GLI3: variants seen among roughly 807,000 people sequenced by gnomAD.
GLI3 encodes GLI family zinc finger 3, also known as transcription activator GLI3.
Under a neutral mutation model 100.8 loss-of-function variants are expected in GLI3, and 20 were observed. The ratio of observed to expected loss-of-function variants is 0.20; its 90% CI spans 0.14 to 0.29. GLI3 has a LOEUF of 0.29. GLI3 is among the 10% of genes least tolerant of loss of function. GLI3 has a pLI of 1.00. For synonymous variants in GLI3, 938 were observed against 860.5 expected, an observed-to-expected ratio of 1.09 and a Z score of -1.58; for missense variants, 2,040 against 2,128.5, an observed-to-expected ratio of 0.96 and a Z score of 0.82.
At chr7:42,230,645 C>G (rs539074744) in intron 1 of GLI3, among the ~76,000 whole-genome samples, 77 of 152,348 alleles carry the variant, frequency 5.1e-4, no homozygotes, top group Non-Finnish European at 8.8e-4. Context: ...AGCTACTCTT[C>G]CCCTGTTGCC....
In GLI3 at chr7:42,180,689, G is replaced by C. The variant is rs1378921983; in HGVS notation, c.125-32221C>G. On this transcript the variant is annotated intron_variant, in intron 2 of 14. Transcript: ENST00000395925. ...ACAGACCCTGGCAGATGAGAAGTCG[G>C]TGAAAATTATCTCCTGTTGGAGTGA... Among the ~76,000 whole-genome samples the C allele has an allele frequency of 2.0e-5, 3 of 152,332 alleles. No individual in the cohort carries two copies. The East Asian group carries it at 5.8e-4, about 29-fold the overall frequency.
In GLI3 at chr7:42,213,617, C is replaced by G. The variant is rs138248987; in HGVS notation, c.124+9513G>C. ...TCTCTGTGGCAGCTCTGAGTCCATT[C>G]AATATTTTCCACAGACAGAGAAAAG... On this transcript the variant is annotated intron_variant, in intron 2 of 14. Transcript: ENST00000395925. Among the ~76,000 whole-genome samples, 60 of 152,290 alleles carry G rather than the reference C, an allele frequency of 3.9e-4. 2 individuals are homozygous for G. Among genetic ancestry groups the G allele is most frequent in the African/African-American group, 1.3e-3 (56 of 41,556 alleles).
intron 4 of GLI3, among the ~76,000 whole-genome samples, chr7:42,065,826 A>T (rs1310714889): frequency 6.6e-6 from 1 of 152,190 alleles, no homozygotes; most frequent in Non-Finnish European, 1.5e-5. Context: ...TTCACACTGA[A>T]AGAAAACCAA....
At chr7:42,011,762 G>C (rs1211232048) in intron 10 of GLI3, among the ~76,000 whole-genome samples, 1 of 152,186 alleles carries the variant, frequency 6.6e-6, no homozygotes, top group Non-Finnish European at 1.5e-5. Context: ...CTGGCGGGGA[G>C]GGGGAATGGG....
At chr7:42,062,700 T>C (rs900569115) in intron 4 of GLI3, among the ~76,000 whole-genome samples, 7 of 123,966 alleles carry the variant, frequency 5.6e-5, no homozygotes, top group East Asian at 2.4e-4. Context: ...TTATATATTA[T>C]ACACACACAC....
intron 3 of GLI3, among the ~76,000 whole-genome samples, chr7:42,088,989 T>A (rs1785161883): frequency 6.6e-6 from 1 of 152,212 alleles, no homozygotes; most frequent in South Asian, 2.1e-4. Context: ...GTGATCTCCA[T>A]CTGAGTCCTC....
intron 3 of GLI3, 103 bp downstream of exon 3, chr7:42,148,123 T>G: frequency 3.2e-6 from 4 of 1,239,466 alleles, no homozygotes; most frequent in Non-Finnish European, 4.3e-6. Flanking sequence ...AAGCCAAAAC[T>G]TCATAAAGCG....
chr7:42,003,231 T>C (rs1213338897), intron 10 of GLI3, among the ~76,000 whole-genome samples: 1 of 152,050 alleles, frequency 6.6e-6, no homozygotes, highest in African/African-American at 2.4e-5. Context: ...CAAAGGTAAA[T>C]TAAAGTGAAT....
chr7:42,108,324 A>G (rs1785624317), intron 3 of GLI3, among the ~76,000 whole-genome samples: 1 of 152,198 alleles, frequency 6.6e-6, no homozygotes, highest in Non-Finnish European at 1.5e-5. Flanking sequence ...ATTAAAAATG[A>G]TATGTTATGC....
chr7:42,244,188 A>G (rs1788950820), intron 1 of GLI3, among the ~76,000 whole-genome samples: 1 of 152,152 alleles, frequency 6.6e-6, no homozygotes, highest in South Asian at 2.1e-4. Flanking sequence ...TTATTTTAGG[A>G]GACTATTTCT....
At chr7:41,968,458 G>A (rs1787247413) in intron 13 of GLI3, among the ~76,000 whole-genome samples, 1 of 151,996 alleles carries the variant, frequency 6.6e-6, no homozygotes, top group African/African-American at 2.4e-5. Context: ...ATTTTGCTCA[G>A]CTGAAACATA....
At chr7:42,214,542 A>AT (rs1788335696) in intron 2 of GLI3, among the ~76,000 whole-genome samples, 1 of 151,692 alleles carries the variant, frequency 6.6e-6, no homozygotes, top group South Asian at 2.1e-4. Context: ...AGAAAAAAAA[A>AT]AATAACAGCC....
At chr7:42,173,766 A>G (rs947098866) in intron 2 of GLI3, among the ~76,000 whole-genome samples, 3 of 152,210 alleles carry the variant, frequency 2.0e-5, no homozygotes, top group African/African-American at 7.2e-5. Flanking sequence ...TCCCTGCAAC[A>G]GGGGAGTTAC....
intron 10 of GLI3, among the ~76,000 whole-genome samples, chr7:42,003,824 T>C (rs922759210): frequency 6.6e-6 from 1 of 152,238 alleles, no homozygotes; most frequent in African/African-American, 2.4e-5. Context: ...ACGTAGAATA[T>C]ATATTTTTGT....
At chr7:42,072,685 G>A (rs1162436422) in intron 4 of GLI3, among the ~76,000 whole-genome samples, 7 of 152,114 alleles carry the variant, frequency 4.6e-5, no homozygotes, top group African/African-American at 1.4e-4. Context: ...GTGTCTCCTC[G>A]AGTTAGGGAA....
chr7:42,170,281 T>TAC (rs1447860145), intron 2 of GLI3, among the ~76,000 whole-genome samples: 1 of 146,376 alleles, frequency 6.8e-6, no homozygotes, highest in African/African-American at 2.5e-5. Flanking sequence ...TATATATATA[T>TAC]ATATATACAC....
chr7:42,179,959 G>A (rs1787558554), intron 2 of GLI3, among the ~76,000 whole-genome samples: 1 of 152,218 alleles, frequency 6.6e-6, no homozygotes, highest in South Asian at 2.1e-4. Flanking sequence ...AAGTTTGGAT[G>A]GGAGAGAGCA....
intron 3 of GLI3, among the ~76,000 whole-genome samples, chr7:42,120,155 A>G (rs962850526): frequency 2.0e-5 from 3 of 152,212 alleles, no homozygotes; most frequent in African/African-American, 4.8e-5. Flanking sequence ...TAGCAGCCCC[A>G]CTGCCCTGAT....
rs148411583 is a variant in GLI3 at position 42,166,866 on chromosome 7, C to T, written c.125-18398G>A. 2.6e-5 allele frequency among the ~76,000 whole-genome samples: 4 copies of T among 151,060 alleles called. No homozygotes were observed. In the East Asian group the frequency reaches 5.9e-4, roughly 22 times the overall value. On this transcript the variant is annotated intron_variant, in intron 2 of 14. Transcript: ENST00000395925. ...TAGAGATGGAGTTTCATGCTTGTCA[C>T]CCAGGCTGGAGTGCAATGAGGTGAT...
Sources: gnomAD v4.1 joint callset for allele counts (sites outside exome capture counted in the v4.1 genomes callset) on GRCh38, gnomAD v4.1.1 for gene constraint, MANE v1.5 for transcripts, NCBI Gene and HGNC (gene_info 2026-07-23, HGNC 2026-07-21) for gene names.